BBX: variants seen among roughly 807,000 people sequenced by gnomAD.
The protein encoded by BBX is BBX high mobility group box domain containing.
Under a neutral mutation model 100.2 loss-of-function variants are expected in BBX, and 30 were observed. The observed-to-expected ratio is 0.30, with a 90% confidence interval of 0.22 to 0.41. The LOEUF (loss-of-function observed/expected upper bound fraction) is 0.41, where lower values mean the gene tolerates loss of function less well. BBX is among the 10% of genes least tolerant of loss of function. The pLI is 1.00. For synonymous variants in BBX, 376 were observed against 388.1 expected (o/e 0.97, Z 0.37); for missense variants, 1,023 against 1,129.8 (o/e 0.91, Z 1.35).
intron 2 of BBX, among the ~76,000 whole-genome samples, chr3:107,558,678 A>G (rs914589387): frequency 5.9e-5 from 9 of 152,134 alleles, no homozygotes; most frequent in East Asian, 3.9e-4. Context: ...GGGTATGCCA[A>G]TTAGGTAAAG....
rs758635574 is a variant in BBX at position 107,638,984 on chromosome 3, G to A, written c.-83-6852G>A. Among the ~76,000 whole-genome samples, 6 of 151,840 alleles carry A rather than the reference G, an allele frequency of 4.0e-5. 1 individual carries two copies. Among genetic ancestry groups the A allele is most frequent in the African/African-American group, 2.4e-5 (1 of 41,318 alleles). On this transcript the variant is annotated intron_variant, in intron 2 of 17. Transcript: ENST00000325805. ...AGCCTGGGCAACAGAGTGAGACCCT[G>A]TCTCAAAAAAGCAAAGGAATATGTT...
At position 107,807,374 on chromosome 3, in the gene BBX, A is replaced by G. The variant is rs2071114752; in HGVS notation, c.*1917A>G. ...GTGAGCAGTTCCAGACTTTTGCATA[A>G]TATTTTTACTATGATGCTGTTTTAT... On this transcript the variant is annotated 3_prime_UTR_variant, in exon 18 of 18. Transcript: ENST00000325805. The G allele has an allele frequency of 6.6e-6, 1 of 152,184 alleles. No individual in the cohort carries two copies. The highest frequency in any genetic ancestry group is 1.5e-5 in the Non-Finnish European group (1 of 68,028). 9.4% of individuals were successfully genotyped at this position (152,184 alleles called of 1,614,324 possible).
At chr3:107,805,279 A>C in intron 17 of BBX, 91 bp from the exon 18 acceptor site, 1 of 1,357,370 alleles carries the variant, frequency 7.4e-7, no homozygotes, top group Non-Finnish European at 1.0e-6. Flanking sequence ...CTGTTAAACA[A>C]GATATTGGAA....
chr3:107,745,926 A>G (rs2064554533), intron 8 of BBX, among the ~76,000 whole-genome samples: 1 of 152,146 alleles, frequency 6.6e-6, no homozygotes, highest in Non-Finnish European at 1.5e-5. Context: ...TGTGGCTTCT[A>G]ACAGCATATC....
At chr3:107,615,245 A>G (rs989329931) in intron 2 of BBX, among the ~76,000 whole-genome samples, 9 of 152,204 alleles carry the variant, frequency 5.9e-5, no homozygotes, top group Admixed American at 5.9e-4. Context: ...ACTAGTATAT[A>G]TGAGAATAAG....
intron 5 of BBX, among the ~76,000 whole-genome samples, chr3:107,722,231 A>C (rs35964873): frequency 0.097 from 14,695 of 152,040 alleles, 949 homozygotes; most frequent in Admixed American, 0.14. Context: ...AAGACTATAA[A>C]AACTCCATAA....
intron 3 of BBX, among the ~76,000 whole-genome samples, chr3:107,685,573 A>C (rs1576329595): frequency 6.6e-6 from 1 of 152,340 alleles, no homozygotes; most frequent in South Asian, 2.1e-4. Context: ...AGGATAATGC[A>C]GGCTATCCTG....
chr3:107,809,737 T>G lies in BBX; in HGVS notation c.*4280T>G, dbSNP rs2071217644. 1 of 152,236 alleles carries G rather than the reference T, an allele frequency of 6.6e-6. No individual in the cohort carries two copies. The highest frequency in any genetic ancestry group is 1.5e-5 in the Non-Finnish European group (1 of 68,042). The allele number at this position is 152,236 out of a possible 1,614,324, so 9.4% of individuals were successfully genotyped here. ...TGACCTATAAAGTATTCAGAGTGAC[T>G]GCTAGGTAGAAATTAAAACTTAGCT... On this transcript the variant is annotated 3_prime_UTR_variant, in exon 18 of 18. Transcript: ENST00000325805.
intron 3 of BBX, among the ~76,000 whole-genome samples, chr3:107,684,308 G>T (rs1377015313): frequency 6.6e-6 from 1 of 152,100 alleles, no homozygotes; most frequent in Admixed American, 6.6e-5. Flanking sequence ...AGTATGAAAG[G>T]TTAAGAAATA....
intron 2 of BBX, among the ~76,000 whole-genome samples, chr3:107,607,110 T>G (rs923699720): frequency 2.0e-5 from 3 of 152,190 alleles, no homozygotes; most frequent in Non-Finnish European, 4.4e-5. Flanking sequence ...TATTCTTTTT[T>G]TTTTGAGATG....
chr3:107,564,895 A>G (rs1281932508), intron 2 of BBX, among the ~76,000 whole-genome samples: 1 of 152,064 alleles, frequency 6.6e-6, no homozygotes, highest in African/African-American at 2.4e-5. Flanking sequence ...TTGGATTTTT[A>G]TCTGAATTGC....
At chr3:107,645,309 A>G (rs1480507460) in intron 2 of BBX, among the ~76,000 whole-genome samples, 1 of 152,040 alleles carries the variant, frequency 6.6e-6, no homozygotes, top group Non-Finnish European at 1.5e-5. Context: ...AATAAAAATT[A>G]TTTTCTATTT....
At chr3:107,687,071 T>C (rs1468428389) in intron 3 of BBX, among the ~76,000 whole-genome samples, 1 of 152,236 alleles carries the variant, frequency 6.6e-6, no homozygotes, top group East Asian at 1.9e-4. Context: ...TTGGGAATTC[T>C]TATTAAAATG....
intron 3 of BBX, among the ~76,000 whole-genome samples, chr3:107,686,137 C>T (rs918160519): frequency 1.3e-5 from 2 of 152,120 alleles, no homozygotes; most frequent in Non-Finnish European, 2.9e-5. Context: ...TTCAAGTAAT[C>T]TCAGTTTTAT....
chr3:107,764,117 T>C (rs1171219218), intron 10 of BBX, among the ~76,000 whole-genome samples: 3 of 152,070 alleles, frequency 2.0e-5, no homozygotes, highest in Non-Finnish European at 4.4e-5. Flanking sequence ...CTCAGCCTCC[T>C]GAGTAGTTAG....
At chr3:107,715,726 G>A (rs188560394) in intron 4 of BBX, among the ~76,000 whole-genome samples, 11 of 152,248 alleles carry the variant, frequency 7.2e-5, no homozygotes, top group African/African-American at 2.7e-4. Flanking sequence ...AAAACGGGAA[G>A]ACTAGGCGTA....
chr3:107,796,915 G>C (rs988881541), intron 15 of BBX, among the ~76,000 whole-genome samples: 1 of 152,076 alleles, frequency 6.6e-6, no homozygotes, highest in African/African-American at 2.4e-5. Context: ...ACTTGAAAAG[G>C]TGTTTGGGAG....
At chr3:107,690,892 C>CTTTTTTTTTTT (rs66523709) in intron 3 of BBX, among the ~76,000 whole-genome samples, 5 of 41,190 alleles carry the variant, frequency 1.2e-4, no homozygotes, top group African/African-American at 2.1e-4. Context: ...GCCCCCCCCC[C>CTTTTTTTTTTT]TTTTTTTTTT....
intron 7 of BBX, among the ~76,000 whole-genome samples, chr3:107,735,784 A>T (rs2063594453): frequency 6.6e-6 from 1 of 152,066 alleles, no homozygotes; most frequent in Admixed American, 6.6e-5. Context: ...AAATAATAAC[A>T]AACAAAATGT....
Sources: allele counts gnomAD v4.1 joint callset (sites outside exome capture counted in the v4.1 genomes callset), GRCh38; gene constraint gnomAD v4.1.1; transcripts MANE v1.5; gene names NCBI Gene and HGNC (gene_info 2026-07-23, HGNC 2026-07-21).